Variants in CALN1 observed in about 807,000 individuals in gnomAD.
CALN1 encodes the protein calcium-binding protein 8.
A neutral mutation model predicts 30.6 loss-of-function variants in CALN1; 17 were observed. The observed-to-expected ratio is 0.56, with a 90% CI of 0.38 to 0.83. The LOEUF (loss-of-function observed/expected upper bound fraction) is 0.83, where lower values mean the gene tolerates loss of function less well. Among genes scored for constraint, CALN1 ranks in the 40% least tolerant of loss-of-function variants. CALN1 has a pLI of 0.00. For missense variants in CALN1, 291 were observed against 354.9 expected, an observed-to-expected ratio of 0.82 and a Z score of 1.45; for synonymous variants, 156 against 131.4, an observed-to-expected ratio of 1.19 and a Z score of -1.28.
chr7:71,963,630 T>A (rs1206692259), intron 5 of CALN1, among the ~76,000 whole-genome samples: 1 of 152,220 alleles, frequency 6.6e-6, no homozygotes, highest in African/African-American at 2.4e-5. Flanking sequence ...CTTCTTTTTT[T>A]CTTATCGTCT....
At chr7:71,945,440 C>T (rs954477162) in intron 5 of CALN1, among the ~76,000 whole-genome samples, 3 of 152,184 alleles carry the variant, frequency 2.0e-5, no homozygotes, top group Non-Finnish European at 4.4e-5. Flanking sequence ...TGCCAGTGCT[C>T]GAGAGCAGGG....
intron 4 of CALN1, among the ~76,000 whole-genome samples, chr7:72,070,569 T>A (rs979628501): frequency 7.9e-5 from 12 of 152,200 alleles, no homozygotes; most frequent in Non-Finnish European, 1.5e-5. Context: ...TTTCTCCCAC[T>A]TCGTTCTTCT....
At chr7:72,152,410 C>T (rs1165241789) in intron 3 of CALN1, among the ~76,000 whole-genome samples, 5 of 152,118 alleles carry the variant, frequency 3.3e-5, no homozygotes, top group African/African-American at 9.7e-5. Context: ...TAGAGAGCTA[C>T]GATCTTCACA....
At chr7:71,908,567 G>T (rs556203610) in intron 5 of CALN1, among the ~76,000 whole-genome samples, 1 of 152,152 alleles carries the variant, frequency 6.6e-6, no homozygotes, top group Admixed American at 6.5e-5. Flanking sequence ...CACGAGAAAA[G>T]TAGATATCTT....
chr7:72,171,412 G>A (rs1166632667), intron 3 of CALN1, among the ~76,000 whole-genome samples: 1 of 152,024 alleles, frequency 6.6e-6, no homozygotes, highest in African/African-American at 2.4e-5. Flanking sequence ...ACTGCTTGAG[G>A]CAGGAGTTTG....
At chr7:72,176,740 G>T (rs1239617267) in intron 3 of CALN1, among the ~76,000 whole-genome samples, 1 of 152,094 alleles carries the variant, frequency 6.6e-6, no homozygotes, top group Non-Finnish European at 1.5e-5. Context: ...TACAGCATAG[G>T]AAAGCCCAAA....
chr7:72,122,285 CAA>C (rs1274062451), intron 3 of CALN1, among the ~76,000 whole-genome samples: 1 of 152,126 alleles, frequency 6.6e-6, no homozygotes, highest in Non-Finnish European at 1.5e-5. Flanking sequence ...TCTGAGGAAA[CAA>C]AATCATTTTG....
At chr7:72,479,911 T>G in the CALN1 span, among the ~76,000 whole-genome samples, 1 of 152,354 alleles carries the variant, frequency 6.6e-6, no homozygotes, top group Non-Finnish European at 1.5e-5. Context: ...GTATCTTTGT[T>G]GAAAATTAAT....
intron 3 of CALN1, among the ~76,000 whole-genome samples, chr7:72,152,781 C>G (rs1304430897): frequency 1.3e-5 from 2 of 152,114 alleles, no homozygotes; most frequent in Non-Finnish European, 2.9e-5. Context: ...GAAGCATTCC[C>G]CAGGCTACAG....
chr7:72,397,274 G>C (rs1172163045), intron 2 of CALN1, among the ~76,000 whole-genome samples: 1 of 152,156 alleles, frequency 6.6e-6, no homozygotes, highest in African/African-American at 2.4e-5. Context: ...GAAAACAGCT[G>C]TCAGGGAGGA....
At position 72,100,590 on chromosome 7, in the gene CALN1, A is replaced by G. The variant is rs868643551; in HGVS notation, c.388+5561T>C. 5.3e-5 allele frequency among the ~76,000 whole-genome samples: 8 copies of G among 152,114 alleles called. No individual in the cohort carries two copies. In the South Asian group the frequency reaches 1.7e-3, roughly 32 times the overall value. On this transcript the variant is annotated intron_variant, in intron 4 of 6. Coordinates refer to ENST00000395275, the MANE Select transcript of CALN1 (RefSeq NM_031468.4). ...TCCCAGAACTTTGGGAGGCCGAGAC[A>G]GGCAGATCACGAGGTCAGGAGATCA...
At chr7:72,269,073 C>G (rs192189468) in intron 3 of CALN1, among the ~76,000 whole-genome samples, 1 of 152,274 alleles carries the variant, frequency 6.6e-6, no homozygotes, top group East Asian at 1.9e-4. Context: ...CACGTAGTAG[C>G]TGCACGAACT....
chr7:72,375,875 C>T (rs1051785380), intron 2 of CALN1, among the ~76,000 whole-genome samples: 19 of 152,242 alleles, frequency 1.2e-4, no homozygotes, highest in African/African-American at 4.6e-4. Flanking sequence ...GATACTAGAA[C>T]ATTTCCACCA....
chr7:72,204,338 T>C (rs1426293613), intron 3 of CALN1, among the ~76,000 whole-genome samples: 1 of 151,976 alleles, frequency 6.6e-6, no homozygotes, highest in African/African-American at 2.4e-5. Context: ...TATTCAACTA[T>C]ACACAGTTCG....
At chr7:72,123,315 A>T (rs901016566) in intron 3 of CALN1, among the ~76,000 whole-genome samples, 2 of 152,192 alleles carry the variant, frequency 1.3e-5, no homozygotes, top group Non-Finnish European at 1.5e-5. Flanking sequence ...CCATCTGTCA[A>T]TTAACTCATG....
At chr7:72,299,939 C>A (rs1371358134) in intron 2 of CALN1, among the ~76,000 whole-genome samples, 1 of 151,756 alleles carries the variant, frequency 6.6e-6, no homozygotes, top group Non-Finnish European at 1.5e-5. Flanking sequence ...GCTCTGTCAC[C>A]CAGGCTGGAG....
At chr7:72,181,817 T>C (rs1789831372) in intron 3 of CALN1, among the ~76,000 whole-genome samples, 1 of 152,212 alleles carries the variant, frequency 6.6e-6, no homozygotes, top group African/African-American at 2.4e-5. Context: ...AAGTGAAACT[T>C]ACTTCCACAT....
At chr7:72,389,637 G>A (rs1382781034) in intron 2 of CALN1, among the ~76,000 whole-genome samples, 1 of 152,104 alleles carries the variant, frequency 6.6e-6, no homozygotes, top group Non-Finnish European at 1.5e-5. Flanking sequence ...AAATACCAAG[G>A]GGCTGAGCTT....
At chr7:72,294,570 C>T (rs867812423) in intron 2 of CALN1, among the ~76,000 whole-genome samples, 34 of 151,926 alleles carry the variant, frequency 2.2e-4, no homozygotes, top group Non-Finnish European at 2.6e-4. Flanking sequence ...GGCAACACAG[C>T]GAAACCTCAT....
Sources: gnomAD v4.1 joint callset for allele counts (sites outside exome capture counted in the v4.1 genomes callset) on GRCh38, gnomAD v4.1.1 for gene constraint, MANE v1.5 for transcripts, NCBI Gene and HGNC (gene_info 2026-07-23, HGNC 2026-07-21) for gene names.